GSK3B: variants seen among roughly 807,000 people sequenced by gnomAD.
GSK3B encodes glycogen synthase kinase 3 beta.
A neutral mutation model predicts 56.4 loss-of-function variants in GSK3B; 15 were observed. The observed-to-expected ratio is 0.27, with a 90% confidence interval of 0.18 to 0.41. The LOEUF is 0.41. Ranked by LOEUF, GSK3B falls within the 10% of genes least tolerant of loss-of-function variation. The pLI is 1.00. For missense variants in GSK3B, 300 were observed against 513.4 expected (o/e 0.58, Z 4.02); for synonymous variants, 181 against 188.9 (o/e 0.96, Z 0.34).
intron 1 of GSK3B, among the ~76,000 whole-genome samples, chr3:120,072,360 C>A (rs988218494): frequency 6.6e-6 from 1 of 152,062 alleles, no homozygotes; most frequent in African/African-American, 2.4e-5. Context: ...GAGTTCAAGG[C>A]CACTCTGGCC....
At chr3:120,073,209 CA>C (rs1202321748) in intron 1 of GSK3B, among the ~76,000 whole-genome samples, 1 of 45,196 alleles carries the variant, frequency 2.2e-5, no homozygotes, top group East Asian at 6.1e-4. Flanking sequence ...CTCATCTCTA[CA>C]AAAAAAATTA....
At position 120,094,370 on chromosome 3, in the gene GSK3B, T is replaced by G; in HGVS notation, c.-936A>C. On this transcript the variant is annotated 5_prime_UTR_variant, in exon 1 of 11. Transcript: ENST00000264235. ...GCTCCTCCTCGCTTCCTTCCTTCCT[T>G]TGTCACTTGGCCCGGGCGGCGGCGG... is the stretch of plus-strand genomic sequence containing the variant. 1 of 295,524 alleles carries G rather than the reference T, an allele frequency of 3.4e-6. No homozygotes were observed. The highest frequency in any genetic ancestry group is 6.3e-6 in the Non-Finnish European group (1 of 158,624). 18.3% of individuals were successfully genotyped at this position (295,524 alleles called of 1,614,324 possible). A position where few individuals can be genotyped will look rare whatever the true frequency, so the allele number is the denominator to read the frequency against.
intron 2 of GSK3B, among the ~76,000 whole-genome samples, chr3:119,994,042 T>C (rs529385424): frequency 6.6e-6 from 1 of 152,248 alleles, no homozygotes; most frequent in South Asian, 2.1e-4. Context: ...TTTCTATTTT[T>C]TAGTAGAGAC....
At chr3:119,911,952 T>C (rs899248008) in intron 6 of GSK3B, among the ~76,000 whole-genome samples, 2 of 152,206 alleles carry the variant, frequency 1.3e-5, no homozygotes, top group Non-Finnish European at 2.9e-5. Flanking sequence ...CACTTTCTTA[T>C]CATTCATCTG....
At chr3:119,971,846 C>T (rs892922489) in intron 2 of GSK3B, among the ~76,000 whole-genome samples, 3 of 151,506 alleles carry the variant, frequency 2.0e-5, no homozygotes, top group Admixed American at 2.0e-4. Flanking sequence ...CTCCTGACCT[C>T]GTGATCCGCC....
chr3:120,094,021 C>A lies in GSK3B; in HGVS notation c.-587G>T. 2 of 220,684 alleles carry A rather than the reference C, an allele frequency of 9.1e-6. No individual in the cohort carries two copies. Among genetic ancestry groups the A allele is most frequent in the South Asian group, 2.5e-4 (2 of 7,862 alleles). The allele number at this position is 220,684 out of a possible 1,614,324, so 13.7% of individuals were successfully genotyped here. A position where few individuals can be genotyped will look rare whatever the true frequency, so the allele number is the denominator to read the frequency against. On this transcript the variant is annotated 5_prime_UTR_variant, in exon 1 of 11. Transcript: ENST00000264235. The stretch of plus-strand genomic sequence containing the variant: ...CCGGCGAACTAGAGGGCGGCGGAGT[C>A]GCGAGTCAGTCAGAGGCGGGCGGTG...
chr3:119,995,396 A>G (rs1047796392), intron 2 of GSK3B, among the ~76,000 whole-genome samples: 23 of 152,100 alleles, frequency 1.5e-4, no homozygotes, highest in African/African-American at 5.5e-4. Flanking sequence ...ATAAATATTA[A>G]TATTTGGAAA....
At chr3:120,020,944 G>A (rs1028759865) in intron 1 of GSK3B, among the ~76,000 whole-genome samples, 1 of 152,130 alleles carries the variant, frequency 6.6e-6, no homozygotes, top group Admixed American at 6.5e-5. Flanking sequence ...CTGGATAGAA[G>A]ACCAAACCAA....
intron 7 of GSK3B, among the ~76,000 whole-genome samples, chr3:119,894,087 A>G (rs375034432): frequency 1.3e-5 from 2 of 152,086 alleles, no homozygotes. Context: ...TGTCTCCACA[A>G]TCTGTCTCTT....
At chr3:120,065,724 A>T (rs546346433) in intron 1 of GSK3B, among the ~76,000 whole-genome samples, 1 of 152,352 alleles carries the variant, frequency 6.6e-6, no homozygotes, top group Non-Finnish European at 1.5e-5. Flanking sequence ...CCATCAACTG[A>T]ATAAACAAAA....
chr3:119,895,189 T>TGAAA (rs1399369381), intron 7 of GSK3B, among the ~76,000 whole-genome samples: 28 of 152,294 alleles, frequency 1.8e-4, no homozygotes, highest in African/African-American at 6.7e-4. Flanking sequence ...TCTCTTTCTA[T>TGAAA]GCCTGACTTA....
intron 2 of GSK3B, among the ~76,000 whole-genome samples, chr3:119,998,198 T>A (rs1437159578): frequency 6.6e-6 from 1 of 152,210 alleles, no homozygotes; most frequent in South Asian, 2.1e-4. Context: ...TGCCTCCTGG[T>A]ATTCACACCC....
chr3:119,870,715 A>T (rs1431718927), intron 8 of GSK3B, among the ~76,000 whole-genome samples: 1 of 152,208 alleles, frequency 6.6e-6, no homozygotes, highest in African/African-American at 2.4e-5. Context: ...TAGAACTTTC[A>T]GTAGAGAACA....
chr3:120,052,114 TAA>T (rs1470096660), intron 1 of GSK3B, among the ~76,000 whole-genome samples: 1 of 152,150 alleles, frequency 6.6e-6, no homozygotes, highest in Non-Finnish European at 1.5e-5. Flanking sequence ...AGAAGTTCAA[TAA>T]AGAGGGCTAC....
chr3:120,045,625 C>T (rs2058096771), intron 1 of GSK3B, among the ~76,000 whole-genome samples: 1 of 152,188 alleles, frequency 6.6e-6, no homozygotes, highest in South Asian at 2.1e-4. Context: ...CCCTTCTCTC[C>T]TTTGTTCCCT....
intron 1 of GSK3B, 98 bp downstream of exon 1, chr3:120,093,249 T>A: frequency 1.2e-6 from 1 of 821,104 alleles, no homozygotes; most frequent in Non-Finnish European, 2.1e-6. Context: ...CCATTGCCTG[T>A]TTATCAGGAG....
chr3:119,902,277 A>T (rs1048656634), intron 7 of GSK3B, among the ~76,000 whole-genome samples: 1 of 152,182 alleles, frequency 6.6e-6, no homozygotes, highest in African/African-American at 2.4e-5. Context: ...TTTCTTAGGA[A>T]TTTTTATTCA....
chr3:119,995,060 AC>A (rs201726926), intron 2 of GSK3B, among the ~76,000 whole-genome samples: 12,904 of 151,896 alleles, frequency 0.085, 664 homozygotes, highest in Non-Finnish European at 0.11. Context: ...AGCCTGGCAC[AC>A]ACGTCTATAA....
At chr3:119,937,347 C>T (rs761460852) in intron 3 of GSK3B, among the ~76,000 whole-genome samples, 57 of 152,040 alleles carry the variant, frequency 3.7e-4, no homozygotes, top group Non-Finnish European at 1.6e-4. Flanking sequence ...CCCACTACAA[C>T]TGGTTGGTAA....
Sources: allele counts gnomAD v4.1 joint callset (sites outside exome capture counted in the v4.1 genomes callset), GRCh38; gene constraint gnomAD v4.1.1; transcripts MANE v1.5; gene names NCBI Gene and HGNC (gene_info 2026-07-23, HGNC 2026-07-21).